APPL1: variants seen among roughly 807,000 people sequenced by gnomAD.
The protein encoded by APPL1 is adaptor protein, phosphotyrosine interacting with PH domain and leucine zipper 1, also known as DCC-interacting protein 13-alpha.
In APPL1, 42 loss-of-function variants were observed where a neutral mutation model predicts 106.8. The ratio of observed to expected loss-of-function variants is 0.39; its 90% confidence interval spans 0.31 to 0.51. The LOEUF (loss-of-function observed/expected upper bound fraction) is 0.51. APPL1 is among the 20% of genes least tolerant of loss of function. The pLI, the probability that APPL1 is intolerant of heterozygous loss-of-function variation, is 0.75. For missense variants in APPL1, 769 were observed against 858.2 expected (o/e 0.90, Z 1.30); for synonymous variants, 263 against 281.8 (o/e 0.93, Z 0.67).
chr3:57,242,045 C>G (rs1178178504), intron 5 of APPL1, 56 bp from the exon 6 acceptor site: 2 of 1,283,394 alleles, frequency 1.6e-6, no homozygotes, highest in Non-Finnish European at 1.1e-6. Flanking sequence ...TATTGTTTTC[C>G]AAACAAATGT....
At position 57,260,676 on chromosome 3, in the gene APPL1, C is replaced by T. The variant is rs749706298; in HGVS notation, c.1744C>T (p.Arg582Cys). 4.2e-5 allele frequency: 68 copies of T among 1,612,706 alleles called. No homozygotes were observed. Among genetic ancestry groups the T allele is most frequent in the Middle Eastern group, 1.6e-4 (1 of 6,076 alleles). Residue 582 changes from arginine to cysteine, a missense_variant, in exon 19 of 22, where the codon CGC becomes TGC. Physicochemically the swap from Arg to Cys is radical, Grantham distance 180. Transcript: ENST00000288266. ...GTATGCTACACACCAGGAAAATAAG[C>T]GCCTTTTTGGATTTGTTCTTCGGAC... ...VLYATHQENK[R>C]LFGFVLRTSS...
intron 7 of APPL1, among the ~76,000 whole-genome samples, chr3:57,245,272 T>A (rs879767551): frequency 6.6e-6 from 1 of 152,134 alleles, no homozygotes; most frequent in Non-Finnish European, 1.5e-5. Flanking sequence ...AGGTATTCAA[T>A]AAATATTTGT....
chr3:57,252,738 AAAAC>A (rs2060811087), intron 12 of APPL1, among the ~76,000 whole-genome samples: 3 of 152,222 alleles, frequency 2.0e-5, no homozygotes, highest in Admixed American at 2.0e-4. Flanking sequence ...GAAAGATAGA[AAAAC>A]AAAAATTTGG....
intron 19 of APPL1, among the ~76,000 whole-genome samples, chr3:57,266,708 T>C (rs985555433): frequency 6.6e-6 from 1 of 152,190 alleles, no homozygotes; most frequent in African/African-American, 2.4e-5. Flanking sequence ...TTTCTTGTAG[T>C]ATTTTTATAG....
At chr3:57,229,933 C>G (rs995553041) in intron 1 of APPL1, among the ~76,000 whole-genome samples, 6 of 152,158 alleles carry the variant, frequency 3.9e-5, no homozygotes, top group Non-Finnish European at 4.4e-5. Context: ...AGGCTGGTCT[C>G]GAACTCCTGA....
In APPL1 at chr3:57,242,841, A is replaced by G. The variant is rs754872441; in HGVS notation, c.416-15A>G. On this transcript the variant is annotated splice_polypyrimidine_tract_variant and intron_variant, in intron 6 of 21. Coordinates refer to ENST00000288266, the MANE Select transcript of APPL1 (RefSeq NM_012096.3). Reference sequence around the variant, plus strand: ...AAGTACTGTTGTATTGTTAACACTCATTTCTTTTTTCCAGATCATGATGCT... The same window carrying G: ...AAGTACTGTTGTATTGTTAACACTCGTTTCTTTTTTCCAGATCATGATGCT... 5.0e-6 allele frequency: 8 copies of G among 1,600,222 alleles called. No individual in the cohort carries two copies. Among genetic ancestry groups the G allele is most frequent in the Non-Finnish European group, 5.1e-6 (6 of 1,168,110 alleles).
In APPL1 at chr3:57,270,203, TAGAAC is replaced by T. The variant is rs2060926845; in HGVS notation, c.*520_*524del. ...TGCAATAGAACTTTTATAAAATAATTAGAACAGAGATTTTACAGTTAAGGTTTCAA... is the reference window on the plus strand; with the variant it reads ...TGCAATAGAACTTTTATAAAATAATTAGAGATTTTACAGTTAAGGTTTCAA... On this transcript the variant is annotated 3_prime_UTR_variant, in exon 22 of 22. Transcript: ENST00000288266. 6.5e-6 allele frequency: 1 copy of T among 152,710 alleles called. No individual in the cohort carries two copies. The highest frequency in any genetic ancestry group is 1.5e-5 in the Non-Finnish European group (1 of 68,102). The allele number at this position is 152,710 out of a possible 1,614,324, so 9.5% of individuals were successfully genotyped here.
At chr3:57,244,125 T>C (rs547774010) in intron 7 of APPL1, among the ~76,000 whole-genome samples, 4 of 152,206 alleles carry the variant, frequency 2.6e-5, no homozygotes, top group Admixed American at 2.6e-4. Flanking sequence ...AGGGCAGCAG[T>C]TCACTTTGAT....
rs1302408338 is a variant in APPL1 at position 57,242,931 on chromosome 3, T to C, written c.474+17T>C. The C allele has an allele frequency of 2.5e-6, 4 of 1,587,648 alleles. No homozygotes were observed. The highest frequency in any genetic ancestry group is 1.1e-5 in the South Asian group (1 of 90,246). On this transcript the variant is annotated intron_variant, in intron 7 of 21. Transcript: ENST00000288266. ...AATGACAAGGTGTGGTACATATTTA[T>C]TCCTTCAGTGTCATAATTAACTATT...
At chr3:57,261,219 T>C (rs2107609208) in intron 19 of APPL1, among the ~76,000 whole-genome samples, 1 of 152,322 alleles carries the variant, frequency 6.6e-6, no homozygotes, top group Non-Finnish European at 1.5e-5. Flanking sequence ...TATTTGTCTT[T>C]TTGTGCCTGG....
chr3:57,236,330 CT>C (rs1359304100), intron 2 of APPL1, among the ~76,000 whole-genome samples: 1,572 of 133,676 alleles, frequency 0.012, 17 homozygotes, highest in African/African-American at 0.03. Flanking sequence ...ACCCAGCCCC[CT>C]TTTTTTTTTT....
At chr3:57,229,188 T>G (rs2060671440) in intron 1 of APPL1, among the ~76,000 whole-genome samples, 1 of 152,246 alleles carries the variant, frequency 6.6e-6, no homozygotes, top group Admixed American at 6.5e-5. Flanking sequence ...CTTGATGATT[T>G]CTCCATATAA....
At chr3:57,235,907 A>G (rs2060713746) in intron 2 of APPL1, among the ~76,000 whole-genome samples, 1 of 152,130 alleles carries the variant, frequency 6.6e-6, no homozygotes, top group Non-Finnish European at 1.5e-5. Context: ...TTCTCCCCAA[A>G]CATAGTTTGG....
At chr3:57,255,669 ATAAAT>A (rs1280554189) in intron 13 of APPL1, among the ~76,000 whole-genome samples, 6 of 152,236 alleles carry the variant, frequency 3.9e-5, no homozygotes, top group Middle Eastern at 3.2e-3. Context: ...GTCTAATAAA[ATAAAT>A]TATGAGTTTA....
chr3:57,263,364 T>A (rs1275861951), intron 19 of APPL1, among the ~76,000 whole-genome samples: 1 of 148,586 alleles, frequency 6.7e-6, no homozygotes. Context: ...TTCATTCTAT[T>A]TTTTTTTTTT....
intron 4 of APPL1, among the ~76,000 whole-genome samples, chr3:57,238,721 G>A (rs2060729985): frequency 6.6e-6 from 1 of 152,048 alleles, no homozygotes; most frequent in Non-Finnish European, 1.5e-5. Flanking sequence ...ACCCATTATA[G>A]CAAAATGTTT....
At chr3:57,234,407 C>T (rs1261634974) in intron 1 of APPL1, among the ~76,000 whole-genome samples, 1 of 150,478 alleles carries the variant, frequency 6.6e-6, no homozygotes, top group African/African-American at 2.4e-5. Context: ...ACGCCATTCT[C>T]CTGCCTCAGC....
At chr3:57,240,628 T>C (rs760772470) in intron 5 of APPL1, 76 bp downstream of exon 5, 40 of 1,294,232 alleles carry the variant, frequency 3.1e-5, no homozygotes, top group Admixed American at 1.4e-4. Context: ...ACTCTGTACT[T>C]ACACCATTTC....
rs2060909883 is a variant in APPL1 at position 57,268,425 on chromosome 3, GAAAT to G, written c.1923_1926del (p.Ile642ArgfsTer3). On this transcript the variant is annotated frameshift_variant, in exon 21 of 22. Coordinates refer to ENST00000288266, the MANE Select transcript of APPL1 (RefSeq NM_012096.3). LOFTEE classifies it high-confidence loss of function. ...TCGTAGGGCATCAGAAAAACAAAAA[GAAAT>G]AGAGAGAGTAAAAGAGAAGCAACAG... 5 of 1,598,808 alleles carry G rather than the reference GAAAT, an allele frequency of 3.1e-6. No individual in the cohort carries two copies. In the African/African-American group the frequency reaches 4.0e-5, roughly 13 times the overall value.
Sources: allele counts gnomAD v4.1 joint callset (sites outside exome capture counted in the v4.1 genomes callset), GRCh38; gene constraint gnomAD v4.1.1; transcripts MANE v1.5; gene names NCBI Gene and HGNC (gene_info 2026-07-23, HGNC 2026-07-21).